The following CAPZB variants were observed in gnomAD, a reference collection of about 807,000 sequenced individuals.
CAPZB encodes the protein F-actin-capping protein subunit beta.
A neutral mutation model predicts 38.1 loss-of-function variants in CAPZB; 2 were observed. The ratio of observed to expected loss-of-function variants is 0.05; its 90% CI spans 0.02 to 0.17. CAPZB has a LOEUF of 0.17. Among genes scored for constraint, CAPZB ranks in the 10% least tolerant of loss-of-function variants. CAPZB has a pLI of 1.00. For synonymous variants in CAPZB, 107 were observed against 127.4 expected, an observed-to-expected ratio of 0.84 and a Z score of 1.08; for missense variants, 161 against 334.2, an observed-to-expected ratio of 0.48 and a Z score of 4.04.
At chr1:19,410,896 C>T (rs2094354431) in intron 2 of CAPZB, among the ~76,000 whole-genome samples, 1 of 152,198 alleles carries the variant, frequency 6.6e-6, no homozygotes, top group African/African-American at 2.4e-5. Flanking sequence ...CATCACCTAT[C>T]AGGTCAGAGA....
In CAPZB at chr1:19,347,104, G is replaced by T. The variant is rs183555813; in HGVS notation, c.589-1852C>A. Among the ~76,000 whole-genome samples the T allele has an allele frequency of 5.7e-3, 866 of 152,068 alleles. 6 individuals carry two copies. Among genetic ancestry groups the T allele is most frequent in the African/African-American group, 0.019 (787 of 41,458 alleles). ...GATCCACCTGCCTCAGCCTCCCGAAGTGCTGGGATTACAAGTATGAGCCAC... is the reference window on the plus strand; with the variant it reads ...GATCCACCTGCCTCAGCCTCCCGAATTGCTGGGATTACAAGTATGAGCCAC... On this transcript the variant is annotated intron_variant, in intron 6 of 8. Coordinates refer to ENST00000264202, the MANE Select transcript of CAPZB (RefSeq NM_004930.5).
intron 8 of CAPZB, 21 bp from the exon 9 acceptor site, chr1:19,339,638 T>C: frequency 6.3e-7 from 1 of 1,577,438 alleles, no homozygotes; most frequent in Non-Finnish European, 8.7e-7. Context: ...GGAAAGGCGT[T>C]ATCAGCAGAT....
intron 1 of CAPZB, among the ~76,000 whole-genome samples, chr1:19,468,889 C>A (rs566202992): frequency 6.6e-6 from 1 of 152,314 alleles, no homozygotes; most frequent in East Asian, 1.9e-4. Context: ...CCCCTGGGAC[C>A]CGTGCCTTGA....
intron 1 of CAPZB, among the ~76,000 whole-genome samples, chr1:19,420,663 T>C (rs1280446202): frequency 1.3e-5 from 2 of 152,016 alleles, no homozygotes; most frequent in Non-Finnish European, 2.9e-5. Flanking sequence ...ACTCCTGGGC[T>C]CAAGCAGTCG....
At chr1:19,448,689 A>G in intron 1 of CAPZB, 1 of 1,093,542 alleles carries the variant, frequency 9.1e-7, no homozygotes, top group Non-Finnish European at 1.3e-6. Context: ...TAGCCAACAC[A>G]TTTCCTGGGG....
intron 1 of CAPZB, among the ~76,000 whole-genome samples, chr1:19,450,914 GT>G (rs2100695452): frequency 6.6e-6 from 1 of 152,304 alleles, no homozygotes; most frequent in South Asian, 2.1e-4. Flanking sequence ...CACCACCAAT[GT>G]TTGTCTTTGG....
chr1:19,349,834 C>T (rs1324212936), intron 6 of CAPZB, among the ~76,000 whole-genome samples: 1 of 152,116 alleles, frequency 6.6e-6, no homozygotes, highest in Non-Finnish European at 1.5e-5. Flanking sequence ...TGCACCCGGC[C>T]GTATTTCCAC....
chr1:19,339,880 T>G (rs1184085508), intron 8 of CAPZB, among the ~76,000 whole-genome samples: 1 of 152,214 alleles, frequency 6.6e-6, no homozygotes, highest in African/African-American at 2.4e-5. Flanking sequence ...TCTCTGCCCC[T>G]GGCCACCGGT....
At chr1:19,413,089 C>T (rs1179618666) in intron 2 of CAPZB, among the ~76,000 whole-genome samples, 1 of 152,204 alleles carries the variant, frequency 6.6e-6, no homozygotes, top group Non-Finnish European at 1.5e-5. Context: ...GCAGCTCTTG[C>T]TACTCATCCT....
chr1:19,352,940 T>C (rs1026000461), intron 6 of CAPZB, among the ~76,000 whole-genome samples: 2 of 152,224 alleles, frequency 1.3e-5, no homozygotes, highest in African/African-American at 4.8e-5. Flanking sequence ...ACCAGCCGCC[T>C]ACACTGGGGC....
intron 1 of CAPZB, among the ~76,000 whole-genome samples, chr1:19,485,011 C>A (rs1364932008): frequency 6.6e-6 from 1 of 151,666 alleles, no homozygotes; most frequent in Non-Finnish European, 1.5e-5. Flanking sequence ...TGGGCCATGG[C>A]AGGGAGAAAC....
At chr1:19,448,798 C>G in intron 1 of CAPZB, 1 of 1,611,552 alleles carries the variant, frequency 6.2e-7, no homozygotes, top group Non-Finnish European at 8.5e-7. Flanking sequence ...CCACCTGTTG[C>G]TCCTCCTCCC....
intron 1 of CAPZB, among the ~76,000 whole-genome samples, chr1:19,472,318 G>T (rs1249901280): frequency 3.3e-5 from 5 of 152,184 alleles, no homozygotes; most frequent in Admixed American, 1.3e-4. Flanking sequence ...AACCCTCTGA[G>T]GTTAGGGATC....
At chr1:19,426,673 C>A (rs145317666) in intron 1 of CAPZB, among the ~76,000 whole-genome samples, 1 of 152,206 alleles carries the variant, frequency 6.6e-6, no homozygotes, top group African/African-American at 2.4e-5. Context: ...ACTGAGCCCC[C>A]AGGTGCTCCA....
intron 3 of CAPZB, 96 bp from the exon 4 acceptor site, chr1:19,378,749 G>C (rs2094156673): frequency 4.3e-6 from 3 of 702,006 alleles, no homozygotes; most frequent in Non-Finnish European, 7.5e-6. Flanking sequence ...TGAAATCTCG[G>C]AGGCAAAGCC....
intron 1 of CAPZB, among the ~76,000 whole-genome samples, chr1:19,448,569 A>G (rs2094503907): frequency 6.6e-6 from 1 of 152,166 alleles, no homozygotes; most frequent in South Asian, 2.1e-4. Context: ...TTACCTACCC[A>G]TGATAAATGC....
chr1:19,377,428 C>A (rs921810186), intron 4 of CAPZB, among the ~76,000 whole-genome samples: 2 of 152,186 alleles, frequency 1.3e-5, no homozygotes, highest in Non-Finnish European at 2.9e-5. Flanking sequence ...AAAGGAGGAA[C>A]AAAACCATCT....
intron 3 of CAPZB, among the ~76,000 whole-genome samples, chr1:19,382,406 G>A (rs945232132): frequency 1.3e-5 from 2 of 152,138 alleles, no homozygotes; most frequent in Non-Finnish European, 2.9e-5. Context: ...ATTTCCCTCC[G>A]AGAAGGCTTT....
chr1:19,391,593 G>A (rs893820630), intron 2 of CAPZB, among the ~76,000 whole-genome samples: 8 of 152,216 alleles, frequency 5.3e-5, no homozygotes, highest in Non-Finnish European at 8.8e-5. Flanking sequence ...AGCATTTCAA[G>A]TGGCACATAC....
Sources: gnomAD v4.1 joint callset for allele counts (sites outside exome capture counted in the v4.1 genomes callset) on GRCh38, gnomAD v4.1.1 for gene constraint, MANE v1.5 for transcripts, NCBI Gene and HGNC (gene_info 2026-07-23, HGNC 2026-07-21) for gene names.